APBB2: variants seen among roughly 807,000 people sequenced by gnomAD.
APBB2 encodes the protein amyloid beta precursor protein binding family B member 2, also known as Fe65-like 1.
A neutral mutation model predicts 82.5 loss-of-function variants in APBB2; 38 were observed. The observed-to-expected ratio is 0.46, with a 90% confidence interval of 0.36 to 0.60. The LOEUF is 0.60. Among genes scored for constraint, APBB2 ranks in the 20% least tolerant of loss-of-function variants. APBB2 has a pLI of 0.00. For synonymous variants in APBB2, 341 were observed against 368.2 expected (o/e 0.93, Z 0.85); for missense variants, 772 against 972.3 (o/e 0.79, Z 2.74).
intron 1 of APBB2, chr4:41,177,783 C>G: frequency 6.6e-6 from 1 of 152,166 alleles, no homozygotes; most frequent in East Asian, 1.9e-4. Flanking sequence ...TATCCCTTAT[C>G]CAAAATGCTT....
intron 4 of APBB2, among the ~76,000 whole-genome samples, chr4:41,062,159 T>TATTTATTTATTC (rs1374109068): frequency 3.9e-5 from 1 of 25,320 alleles, no homozygotes; most frequent in African/African-American, 1.6e-4. Flanking sequence ...AAGCAAATCT[T>TATTTATTTATTC]ATTTATTTAT....
chr4:41,159,989 A>AGAAGAAGAAGAAGAAGAAGAT (rs1764633532), intron 1 of APBB2, among the ~76,000 whole-genome samples: 1 of 146,892 alleles, frequency 6.8e-6, no homozygotes, highest in Non-Finnish European at 1.5e-5. Context: ...AAGAAGAAGA[A>AGAAGAAGAAGAAGAAGAAGAT]GAAGAAGAAG....
intron 8 of APBB2, 153 bp downstream of exon 8, chr4:40,934,924 G>T: frequency 5.6e-6 from 4 of 717,170 alleles, no homozygotes; most frequent in Non-Finnish European, 6.8e-6. Context: ...CCAAAAAAAG[G>T]CAACAGGAGT....
chr4:41,197,017 TAAC>T, intron 1 of APBB2, among the ~76,000 whole-genome samples: 1 of 152,152 alleles, frequency 6.6e-6, no homozygotes, highest in African/African-American at 2.4e-5. Context: ...TGAAGACAAT[TAAC>T]AACAAACCAA....
chr4:40,904,695 TTTTTTTA>T (rs970642559), intron 10 of APBB2, among the ~76,000 whole-genome samples: 1 of 151,506 alleles, frequency 6.6e-6, no homozygotes, highest in Non-Finnish European at 1.5e-5. Context: ...TTTTTTTTTT[TTTTTTTA>T]AATACTGAAA....
intron 3 of APBB2, among the ~76,000 whole-genome samples, chr4:41,096,485 A>C (rs1161901609): frequency 6.6e-6 from 1 of 152,218 alleles, no homozygotes; most frequent in Non-Finnish European, 1.5e-5. Flanking sequence ...GAACTAAGAA[A>C]TATTCTACTA....
intron 1 of APBB2, among the ~76,000 whole-genome samples, chr4:41,198,136 C>T: frequency 1.4e-4 from 22 of 152,294 alleles, no homozygotes; most frequent in African/African-American, 5.3e-4. Context: ...AGAATTTAAA[C>T]CCAAGCAGTC....
intron 10 of APBB2, among the ~76,000 whole-genome samples, chr4:40,921,816 G>T (rs1323662340): frequency 2.0e-5 from 3 of 152,186 alleles, no homozygotes; most frequent in African/African-American, 7.2e-5. Flanking sequence ...ATTTACACGG[G>T]TCCATTTTCC....
At chr4:41,200,960 C>T (rs1580795680) in intron 1 of APBB2, among the ~76,000 whole-genome samples, 2 of 152,308 alleles carry the variant, frequency 1.3e-5, no homozygotes, top group East Asian at 3.9e-4. Flanking sequence ...TCTAGTGCAA[C>T]TCTAGCTGCA....
At chr4:40,951,640 A>C (rs1216455300) in intron 6 of APBB2, among the ~76,000 whole-genome samples, 1 of 152,240 alleles carries the variant, frequency 6.6e-6, no homozygotes, top group Admixed American at 6.5e-5. Context: ...TCAGATGCAC[A>C]TCTGTAAAAC....
intron 10 of APBB2, among the ~76,000 whole-genome samples, chr4:40,921,368 G>A (rs970854453): frequency 3.9e-5 from 6 of 152,178 alleles, no homozygotes; most frequent in East Asian, 3.8e-4. Flanking sequence ...CAGTTTCTTC[G>A]TTTGTACAAT....
At chr4:41,051,505 G>C (rs931711989) in intron 4 of APBB2, among the ~76,000 whole-genome samples, 1 of 152,212 alleles carries the variant, frequency 6.6e-6, no homozygotes, top group African/African-American at 2.4e-5. Flanking sequence ...AACTGGGTTA[G>C]GTGGACATTC....
At chr4:41,141,916 G>C (rs1759333839) in intron 2 of APBB2, among the ~76,000 whole-genome samples, 1 of 152,166 alleles carries the variant, frequency 6.6e-6, no homozygotes, top group Non-Finnish European at 1.5e-5. Flanking sequence ...GGAATTATGA[G>C]AGTTACAATT....
intron 12 of APBB2, among the ~76,000 whole-genome samples, chr4:40,881,686 A>C (rs1768659222): frequency 6.6e-6 from 1 of 151,340 alleles, no homozygotes; most frequent in African/African-American, 2.4e-5. Context: ...GGTGTGCACT[A>C]TCACACCTGG....
chr4:41,200,343 A>T (rs1290689430), intron 1 of APBB2, among the ~76,000 whole-genome samples: 1 of 152,216 alleles, frequency 6.6e-6, no homozygotes, highest in African/African-American at 2.4e-5. Flanking sequence ...TCCAAAGGAT[A>T]ATTCAATAAT....
chr4:40,872,125 T>C lies in APBB2; in HGVS notation c.1529+18239A>G, dbSNP rs139138307. ...CGCTAAGCATCATTTCCAGCAGAAA[T>C]GTTCAGTCAGCGCATCTTTTCCTTC... On this transcript the variant is annotated intron_variant, in intron 12 of 17. Transcript: ENST00000508593. Among the ~76,000 whole-genome samples, 401 of 152,350 alleles carry C rather than the reference T, an allele frequency of 2.6e-3. 3 individuals are homozygous for C. The highest frequency in any genetic ancestry group is 0.024 in the Middle Eastern group (7 of 294).
chr4:40,920,767 A>G (rs1781054772), intron 10 of APBB2, among the ~76,000 whole-genome samples: 1 of 152,196 alleles, frequency 6.6e-6, no homozygotes, highest in African/African-American at 2.4e-5. Flanking sequence ...GCTAGTCAGG[A>G]GGCTGAGGCA....
chr4:40,960,737 G>A lies in APBB2; in HGVS notation c.836-15664C>T, dbSNP rs367875812. On this transcript the variant is annotated intron_variant, in intron 6 of 17. Transcript: ENST00000508593. ...GCTGGGATTACAGGTGTGAGCCACC[G>A]TGCCCCGCCACTTTTTTTCTGTTTT... 4.5e-4 allele frequency among the ~76,000 whole-genome samples: 69 copies of A among 151,872 alleles called. No homozygotes were observed. The East Asian group carries it at 6.8e-3, about 15-fold the overall frequency.
intron 2 of APBB2, among the ~76,000 whole-genome samples, chr4:41,135,663 C>G (rs551431695): frequency 6.6e-6 from 1 of 152,202 alleles, no homozygotes; most frequent in East Asian, 1.9e-4. Flanking sequence ...CTCACAGTAT[C>G]TTTGAAAGCT....
Sources: gnomAD v4.1 joint callset for allele counts (sites outside exome capture counted in the v4.1 genomes callset) on GRCh38, gnomAD v4.1.1 for gene constraint, MANE v1.5 for transcripts, NCBI Gene and HGNC (gene_info 2026-07-23, HGNC 2026-07-21) for gene names.